Variants in RAP1GAP observed in about 807,000 individuals in gnomAD.
RAP1GAP encodes rap1 GTPase-activating protein 1.
Under a neutral mutation model 87.2 loss-of-function variants are expected in RAP1GAP, and 35 were observed. The ratio of observed to expected loss-of-function variants is 0.40; its 90% CI spans 0.31 to 0.53. The LOEUF (loss-of-function observed/expected upper bound fraction) is 0.53, where lower values mean the gene tolerates loss of function less well. RAP1GAP is among the 20% of genes least tolerant of loss of function. RAP1GAP has a pLI of 0.48. For synonymous variants in RAP1GAP, 375 were observed against 363.9 expected (o/e 1.03, Z -0.35); for missense variants, 734 against 898.9 (o/e 0.82, Z 2.35).
chr1:21,642,376 C>T (rs1365301031), intron 2 of RAP1GAP, among the ~76,000 whole-genome samples: 1 of 152,182 alleles, frequency 6.6e-6, no homozygotes, highest in Non-Finnish European at 1.5e-5. Context: ...GCCTTGGCAC[C>T]CATTATCTCA....
Position 21,603,952 on chromosome 1 carries a change from A to G in RAP1GAP, c.1429-1039T>C. ...AGGGCGGGGGCAGAGAGAGAGAGAC[A>G]GAGAGAGAGTCAGAGAGCAAGAGAG... On this transcript the variant is annotated intron_variant, in intron 18 of 24. Transcript: ENST00000374765. This position sits in a 1 kb window ranked among gnomAD's most constrained non-coding sequence, Gnocchi z 6.0. The G allele has an allele frequency of 7.0e-7, 1 of 1,422,958 alleles. No homozygotes were observed. Among genetic ancestry groups the G allele is most frequent in the Non-Finnish European group, 9.5e-7 (1 of 1,049,478 alleles). 88.1% of individuals were successfully genotyped at this position (1,422,958 alleles called of 1,614,324 possible).
rs530741304 is a variant in RAP1GAP at position 21,615,909 on chromosome 1, C to T, written c.291+1397G>A. Among the ~76,000 whole-genome samples, 2 of 152,260 alleles carry T rather than the reference C, an allele frequency of 1.3e-5. No individual in the cohort carries two copies. The highest frequency in any genetic ancestry group is 2.1e-4 in the South Asian group (1 of 4,822). ...CAGCAGGTGCCTAGGATGCAGGTCT[C>T]GCTCCACCTCTAGGGCTCAGCTGGG... is the stretch of plus-strand genomic sequence containing the variant. On this transcript the variant is annotated intron_variant, in intron 7 of 24. Transcript: ENST00000374765. This position sits in a 1 kb window ranked among gnomAD's most constrained non-coding sequence, Gnocchi z 4.5.
At chr1:21,608,511 C>G (rs1388174189) in intron 16 of RAP1GAP, among the ~76,000 whole-genome samples, 161 bp from the exon 17 acceptor site, 3 of 151,938 alleles carry the variant, frequency 2.0e-5, no homozygotes, top group Non-Finnish European at 1.5e-5. Context: ...CAGGCCACTC[C>G]ACAGCTCAAG....
chr1:21,639,992 C>T (rs2095357700), intron 2 of RAP1GAP, among the ~76,000 whole-genome samples: 1 of 152,192 alleles, frequency 6.6e-6, no homozygotes, highest in Non-Finnish European at 1.5e-5. Flanking sequence ...CCGCCGCAAG[C>T]AGGATCCAGA....
At chr1:21,605,525 C>T (rs574503646) in intron 18 of RAP1GAP, among the ~76,000 whole-genome samples, 1 of 152,000 alleles carries the variant, frequency 6.6e-6, no homozygotes, top group Non-Finnish European at 1.5e-5. Flanking sequence ...AGAGTTGATG[C>T]CCACACAGCA....
chr1:21,613,366 A>G lies in RAP1GAP; in HGVS notation c.475-137T>C. On this transcript the variant is annotated intron_variant, in intron 9 of 24. Coordinates refer to ENST00000374765, the MANE Select transcript of RAP1GAP (RefSeq NM_002885.4). This position sits in a 1 kb window ranked among gnomAD's most constrained non-coding sequence, Gnocchi z 4.7. ...AAGGCTAAAGCAGGACTCGGGGTTC[A>G]CTGTTGCTCAGGGAACGGAGGTCCC... 1.2e-6 allele frequency: 1 copy of G among 854,078 alleles called. No homozygotes were observed. The highest frequency in any genetic ancestry group is 1.9e-6 in the Non-Finnish European group (1 of 514,344). 52.9% of individuals were successfully genotyped at this position (854,078 alleles called of 1,614,324 possible).
intron 2 of RAP1GAP, among the ~76,000 whole-genome samples, chr1:21,632,512 C>T (rs1184700948): frequency 2.6e-5 from 4 of 152,158 alleles, no homozygotes; most frequent in African/African-American, 9.7e-5. Flanking sequence ...CAAAGTCAGC[C>T]AATAAGGCCG....
chr1:21,640,259 C>T (rs1490682301), intron 2 of RAP1GAP, among the ~76,000 whole-genome samples: 1 of 152,216 alleles, frequency 6.6e-6, no homozygotes, highest in Non-Finnish European at 1.5e-5. Flanking sequence ...CCAGAGCCCC[C>T]TCCCCAGACC....
At chr1:21,635,115 C>T (rs1438182193) in intron 2 of RAP1GAP, among the ~76,000 whole-genome samples, 1 of 152,208 alleles carries the variant, frequency 6.6e-6, no homozygotes, top group Non-Finnish European at 1.5e-5. Context: ...CACCCCGAAG[C>T]TCAGCCCCAG....
At chr1:21,666,315 A>G (rs2097346054) in intron 1 of RAP1GAP, among the ~76,000 whole-genome samples, 1 of 152,188 alleles carries the variant, frequency 6.6e-6, no homozygotes, top group South Asian at 2.1e-4. Flanking sequence ...CCTTGCTGGG[A>G]GGACAAAGCA....
At chr1:21,602,666 C>A (rs1570459020) in intron 19 of RAP1GAP, 138 bp downstream of exon 19, 1 of 721,390 alleles carries the variant, frequency 1.4e-6, no homozygotes, top group East Asian at 2.9e-5. Context: ...GCAGCAGGGA[C>A]TTGACCACAC....
chr1:21,611,662 C>T, intron 12 of RAP1GAP, 54 bp downstream of exon 12: 2 of 1,613,048 alleles, frequency 1.2e-6, no homozygotes, highest in Non-Finnish European at 1.7e-6. Context: ...GGCTCCCTCC[C>T]TGCCCAGGAG....
chr1:21,649,353 G>A (rs1276283883), intron 2 of RAP1GAP, among the ~76,000 whole-genome samples: 1 of 152,070 alleles, frequency 6.6e-6, no homozygotes, highest in Non-Finnish European at 1.5e-5. Flanking sequence ...CCCTGAGGTG[G>A]GAAGAAATAG....
chr1:21,657,207 C>G lies in RAP1GAP; in HGVS notation c.-148-7411G>C, dbSNP rs145346245. 6.8e-4 allele frequency among the ~76,000 whole-genome samples: 104 copies of G among 152,330 alleles called. No homozygotes were observed. The East Asian group carries it at 0.016, about 24-fold the overall frequency. ...ACAGGCTCACATGAACATCAGCCCC[C>G]ATGCTGCAAACCCACAAGTACGTGC... On this transcript the variant is annotated intron_variant, in intron 1 of 24. Coordinates refer to ENST00000374765, the MANE Select transcript of RAP1GAP (RefSeq NM_002885.4).
At chr1:21,638,511 A>C (rs560641627) in intron 2 of RAP1GAP, among the ~76,000 whole-genome samples, 1 of 151,516 alleles carries the variant, frequency 6.6e-6, no homozygotes, top group African/African-American at 2.4e-5. Flanking sequence ...TGGGACCCTG[A>C]GGCCCAAAAG....
chr1:21,601,636 G>T, intron 20 of RAP1GAP, 48 bp downstream of exon 20: 2 of 1,430,396 alleles, frequency 1.4e-6, no homozygotes, highest in South Asian at 1.3e-5. Flanking sequence ...GGGGAAGGAC[G>T]GTTCACCACT....
intron 19 of RAP1GAP, 86 bp downstream of exon 19, chr1:21,602,718 T>A (rs1449509690): frequency 6.7e-6 from 8 of 1,195,316 alleles, no homozygotes; most frequent in Non-Finnish European, 9.4e-6. Flanking sequence ...GGGCGGGCAC[T>A]CCCTTCTGCC....
chr1:21,652,278 C>G (rs1343503501), intron 1 of RAP1GAP, among the ~76,000 whole-genome samples: 1 of 152,212 alleles, frequency 6.6e-6, no homozygotes, highest in Non-Finnish European at 1.5e-5. Context: ...CCCGCCCCTC[C>G]CTGTCCCTCG....
At chr1:21,638,313 C>G (rs374742889) in intron 2 of RAP1GAP, among the ~76,000 whole-genome samples, 1 of 151,852 alleles carries the variant, frequency 6.6e-6, no homozygotes, top group African/African-American at 2.4e-5. Context: ...CAAAATCAGC[C>G]GGACATGGTA....
Sources: gnomAD v4.1 joint callset for allele counts (sites outside exome capture counted in the v4.1 genomes callset) on GRCh38, gnomAD v4.1.1 for gene constraint, Gnocchi (gnomAD v3.1) non-coding constraint, MANE v1.5 for transcripts, NCBI Gene and HGNC (gene_info 2026-07-23, HGNC 2026-07-21) for gene names.